The following KSR2 variants were observed in gnomAD, a reference collection of about 807,000 sequenced individuals.
KSR2 encodes the protein kinase suppressor of ras 2.
Under a neutral mutation model 107.8 loss-of-function variants are expected in KSR2, and 25 were observed. That is an observed-to-expected ratio of 0.23 (90% CI 0.17 to 0.32). KSR2 has a LOEUF of 0.32. KSR2 is among the 10% of genes least tolerant of loss of function. The probability of loss-of-function intolerance (pLI) is 1.00; values close to 1 mark genes in which losing one functional copy is unlikely to be tolerated. For missense variants in KSR2, 887 were observed against 1,268.9 expected, an observed-to-expected ratio of 0.70 and a Z score of 4.57; for synonymous variants, 480 against 507.0, an observed-to-expected ratio of 0.95 and a Z score of 0.71.
intron 14 of KSR2, among the ~76,000 whole-genome samples, chr12:117,498,329 C>T (rs1873169009): frequency 6.6e-6 from 1 of 152,070 alleles, no homozygotes; most frequent in South Asian, 2.1e-4. Flanking sequence ...AGGGCAGGGC[C>T]ATGTTAATCC....
chr12:117,879,945 G>A (rs1000499092), intron 1 of KSR2, among the ~76,000 whole-genome samples: 3 of 152,082 alleles, frequency 2.0e-5, no homozygotes, highest in South Asian at 4.1e-4. Flanking sequence ...TCAGGAGTTC[G>A]AGACCAGCCT....
chr12:117,667,367 T>G, intron 5 of KSR2, 107 bp downstream of exon 5: 2 of 1,070,992 alleles, frequency 1.9e-6, no homozygotes, highest in Non-Finnish European at 2.8e-6. Flanking sequence ...CACAAGCCCT[T>G]GAGATAAAGA....
At chr12:117,867,221 TG>T (rs1893504553) in intron 1 of KSR2, among the ~76,000 whole-genome samples, 1 of 151,700 alleles carries the variant, frequency 6.6e-6, no homozygotes, top group African/African-American at 2.4e-5. Flanking sequence ...GAGGCTGAGG[TG>T]GGAGGATGGC....
chr12:117,952,459 G>A (rs183563786), intron 1 of KSR2, among the ~76,000 whole-genome samples: 234 of 152,018 alleles, frequency 1.5e-3, no homozygotes, highest in African/African-American at 5.5e-3. Context: ...GACCAGCCTG[G>A]CCAACATAGC....
At chr12:117,498,720 T>C (rs1873190499) in intron 14 of KSR2, among the ~76,000 whole-genome samples, 1 of 152,100 alleles carries the variant, frequency 6.6e-6, no homozygotes, top group Non-Finnish European at 1.5e-5. Flanking sequence ...GACAGGCCTT[T>C]CCTGTGCCAT....
rs17619451 is a variant in KSR2 at position 117,956,964 on chromosome 12, T to C, written c.180+11112A>G. Among the ~76,000 whole-genome samples the C allele has an allele frequency of 2.2e-3, 333 of 152,318 alleles. 5 individuals are homozygous for C. In the East Asian group the frequency reaches 0.023, roughly 11 times the overall value. ...CTCCCCTGTCTCTATGTTTCTACTT[T>C]GTTTCTATCAGTCCTCTATTTCTCT... On this transcript the variant is annotated intron_variant, in intron 1 of 19. Transcript: ENST00000339824.
intron 3 of KSR2, among the ~76,000 whole-genome samples, chr12:117,767,168 C>T (rs1889263707): frequency 6.6e-6 from 1 of 150,652 alleles, no homozygotes; most frequent in Non-Finnish European, 1.5e-5. Context: ...AATCCCAGTA[C>T]TTTGGGAGGC....
chr12:117,873,162 T>C (rs1893705602), intron 1 of KSR2, among the ~76,000 whole-genome samples: 1 of 152,028 alleles, frequency 6.6e-6, no homozygotes, highest in Non-Finnish European at 1.5e-5. Context: ...CTGGCTCACA[T>C]GGTGAAACCC....
At chr12:117,932,756 T>C (rs904577590) in intron 1 of KSR2, among the ~76,000 whole-genome samples, 11 of 151,950 alleles carry the variant, frequency 7.2e-5, no homozygotes, top group Non-Finnish European at 1.5e-4. Flanking sequence ...CTCACGCCCA[T>C]AATCCCAACA....
At chr12:117,470,912 G>T (rs1871411885) in intron 18 of KSR2, among the ~76,000 whole-genome samples, 1 of 152,164 alleles carries the variant, frequency 6.6e-6, no homozygotes, top group South Asian at 2.1e-4. Context: ...ACCAGAAAAA[G>T]AGAGATATAT....
chr12:117,585,515 C>A (rs1052492037), intron 5 of KSR2, among the ~76,000 whole-genome samples: 23 of 152,196 alleles, frequency 1.5e-4, no homozygotes, highest in African/African-American at 5.6e-4. Flanking sequence ...GCAATAATAA[C>A]CTCCACACAG....
At chr12:117,475,805 T>C (rs909332276) in intron 17 of KSR2, among the ~76,000 whole-genome samples, 8 of 152,306 alleles carry the variant, frequency 5.3e-5, no homozygotes, top group East Asian at 1.9e-4. Context: ...GTAGGAGCAA[T>C]GATATGTAAA....
intron 7 of KSR2, among the ~76,000 whole-genome samples, chr12:117,570,740 T>C (rs1218413963): frequency 6.6e-6 from 1 of 152,212 alleles, no homozygotes; most frequent in Non-Finnish European, 1.5e-5. Context: ...TGAACATATC[T>C]CATCACATGG....
intron 1 of KSR2, among the ~76,000 whole-genome samples, chr12:117,953,240 GT>G (rs1201452253): frequency 1.3e-5 from 2 of 152,100 alleles, no homozygotes; most frequent in Non-Finnish European, 2.9e-5. Flanking sequence ...GTAAAAAACG[GT>G]TGCAGCCACT....
At chr12:117,696,174 A>G (rs1416044782) in intron 4 of KSR2, among the ~76,000 whole-genome samples, 2 of 152,162 alleles carry the variant, frequency 1.3e-5, no homozygotes, top group African/African-American at 2.4e-5. Flanking sequence ...GGCCCACTGA[A>G]GTACAGCTCA....
rs1368583605 is a variant in KSR2 at position 117,793,388 on chromosome 12, C to T, written c.473-31864G>A. Among the ~76,000 whole-genome samples the T allele has an allele frequency of 2.0e-5, 3 of 147,328 alleles. No homozygotes were observed. The South Asian group carries it at 6.6e-4, about 33-fold the overall frequency. On this transcript the variant is annotated intron_variant, in intron 3 of 19. Coordinates refer to ENST00000339824, the MANE Select transcript of KSR2 (RefSeq NM_173598.6). ...ACCAACATGCACACACACCACTGTG[C>T]ACCCATACCAACATGCACACATACA... is the stretch of plus-strand genomic sequence containing the variant.
At chr12:117,868,149 C>G (rs1018260455) in intron 1 of KSR2, among the ~76,000 whole-genome samples, 1 of 152,088 alleles carries the variant, frequency 6.6e-6, no homozygotes, top group East Asian at 1.9e-4. Flanking sequence ...AAAATACGGC[C>G]GGGCACAGTG....
At chr12:117,486,118 A>T (rs549575012) in intron 14 of KSR2, among the ~76,000 whole-genome samples, 5 of 152,350 alleles carry the variant, frequency 3.3e-5, no homozygotes, top group African/African-American at 1.2e-4. Context: ...ATGAAAGACC[A>T]GCAGAGTGGT....
Position 117,897,319 on chromosome 12 carries a change from C to T in KSR2, c.181-36888G>A, listed in dbSNP as rs2137380212. On this transcript the variant is annotated intron_variant, in intron 1 of 19. Coordinates refer to ENST00000339824, the MANE Select transcript of KSR2 (RefSeq NM_173598.6). The surrounding 1 kb of genome is among the most constrained non-coding windows in gnomAD (Gnocchi z 4.5). ...TACCTTTGGCAGTCAGCACACCATGCTGAAAGGTGAGAAGGTTGCTTTCCC... is the reference window on the plus strand; with the variant it reads ...TACCTTTGGCAGTCAGCACACCATGTTGAAAGGTGAGAAGGTTGCTTTCCC... Among the ~76,000 whole-genome samples, 1 of 152,276 alleles carries T rather than the reference C, an allele frequency of 6.6e-6. No individual in the cohort carries two copies. Among genetic ancestry groups the T allele is most frequent in the Non-Finnish European group, 1.5e-5 (1 of 68,026 alleles).
Sources: allele counts gnomAD v4.1 joint callset (sites outside exome capture counted in the v4.1 genomes callset), GRCh38; gene constraint gnomAD v4.1.1; non-coding constraint Gnocchi (gnomAD v3.1); transcripts MANE v1.5; gene names NCBI Gene and HGNC (gene_info 2026-07-23, HGNC 2026-07-21).